XPO1: variants seen among roughly 807,000 people sequenced by gnomAD.
XPO1 encodes exportin-1.
In XPO1, 5 loss-of-function variants were observed where a neutral mutation model predicts 133.3. The ratio of observed to expected loss-of-function variants is 0.04; its 90% confidence interval spans 0.02 to 0.08. The LOEUF is 0.08. Ranked by LOEUF, XPO1 falls within the 10% of genes least tolerant of loss-of-function variation. XPO1 has a pLI of 1.00. For missense variants in XPO1, 506 were observed against 1,267.5 expected (o/e 0.40, Z 9.12); for synonymous variants, 419 against 408.2 (o/e 1.03, Z -0.32).
At chr2:61,527,809 T>A (rs1394519967) in intron 2 of XPO1, among the ~76,000 whole-genome samples, 2 of 152,164 alleles carry the variant, frequency 1.3e-5, no homozygotes, top group Non-Finnish European at 2.9e-5. Context: ...AATACTAATC[T>A]ACGTAGTCAT....
intron 3 of XPO1, 141 bp downstream of exon 3, chr2:61,526,279 C>A: frequency 6.9e-7 from 1 of 1,457,116 alleles, no homozygotes; most frequent in South Asian, 1.4e-5. Context: ...TAATTATATG[C>A]TTAAGACTAA....
Position 61,488,745 on chromosome 2 carries a change from T to G in XPO1, c.2049A>C (p.Glu683Asp). ...TKNVDILKDP[E>D]TVKQLGSILK... is the part of the protein sequence containing the mutation. ...AAATGCTACCAAGCTGCTTGACTGT[T>G]TCAGGATCTTTCAGTATATCCACAT... is the stretch of plus-strand genomic sequence containing the variant. The change falls in exon 18 of 25, where the codon GAA (glutamate) becomes GAC (aspartate). Residue 683 changes from glutamate to aspartate, a missense_variant. Physicochemically the swap from Glu to Asp is conservative, Grantham distance 45. Transcript: ENST00000401558. 3 of 1,613,636 alleles carry G rather than the reference T, an allele frequency of 1.9e-6. No individual in the cohort carries two copies. Among genetic ancestry groups the G allele is most frequent in the Non-Finnish European group, 2.5e-6 (3 of 1,179,914 alleles).
intron 17 of XPO1, among the ~76,000 whole-genome samples, chr2:61,489,513 A>G (rs1696861043): frequency 6.6e-6 from 1 of 151,570 alleles, no homozygotes; most frequent in Non-Finnish European, 1.5e-5. Flanking sequence ...ACGAACACAA[A>G]CGCCTTTTTG....
chr2:61,525,648 G>A (rs1698879478), intron 3 of XPO1: 2 of 1,022,964 alleles, frequency 2.0e-6, no homozygotes, highest in South Asian at 4.6e-5. Context: ...ACACTGTTAT[G>A]TTACTTAAGG....
At chr2:61,527,811 C>T (rs1464736558) in intron 2 of XPO1, among the ~76,000 whole-genome samples, 3 of 152,032 alleles carry the variant, frequency 2.0e-5, no homozygotes, top group Non-Finnish European at 2.9e-5. Context: ...TACTAATCTA[C>T]GTAGTCATCA....
rs547161076 is a variant in XPO1, at chr2:61,523,323, T to C, written c.229-640A>G. 1.2e-3 allele frequency among the ~76,000 whole-genome samples: 189 copies of C among 152,352 alleles called. 1 individual carries two copies. Among genetic ancestry groups the C allele is most frequent in the African/African-American group, 4.3e-3 (179 of 41,596 alleles). On this transcript the variant is annotated intron_variant, in intron 3 of 24. Coordinates refer to ENST00000401558, the MANE Select transcript of XPO1 (RefSeq NM_003400.4). Reference sequence around the variant, plus strand: ...ATAATCACAAACGCATGTTGCAATCTGTATCTACCTTTCAGGTATTTCTTC... The same window carrying C: ...ATAATCACAAACGCATGTTGCAATCCGTATCTACCTTTCAGGTATTTCTTC...
Position 61,522,459 on chromosome 2 carries a change from A to G in XPO1, c.301+152T>C. On this transcript the variant is annotated intron_variant, in intron 4 of 24. Transcript: ENST00000401558. ...AAGTGGCCTTCCTGTACCCACCAATACAAACAGACCTGTTTGCTTCATGAT... is the reference window on the plus strand; with the variant it reads ...AAGTGGCCTTCCTGTACCCACCAATGCAAACAGACCTGTTTGCTTCATGAT... The G allele has an allele frequency of 7.6e-6, 5 of 659,828 alleles. No homozygotes were observed. In the Admixed American group the frequency reaches 1.1e-4, roughly 14 times the overall value. The allele number at this position is 659,828 out of a possible 1,614,324, so 40.9% of individuals were successfully genotyped here. A position where few individuals can be genotyped will look rare whatever the true frequency, so the allele number is the denominator to read the frequency against.
At chr2:61,479,461 AAAC>A (rs1573092383) in intron 24 of XPO1, among the ~76,000 whole-genome samples, 1 of 151,768 alleles carries the variant, frequency 6.6e-6, no homozygotes. Context: ...CCCCCAAAAA[AAAC>A]AAAAAAAATG....
intron 4 of XPO1, among the ~76,000 whole-genome samples, chr2:61,514,147 A>G (rs1228927223): frequency 6.6e-6 from 1 of 151,474 alleles, no homozygotes; most frequent in African/African-American, 2.4e-5. Flanking sequence ...AGATTGTGCC[A>G]CCACACTCCA....
intron 5 of XPO1, 36 bp from the exon 6 acceptor site, chr2:61,502,076 G>GT (rs777954054): frequency 5.7e-6 from 9 of 1,571,466 alleles, no homozygotes; most frequent in Non-Finnish European, 7.8e-6. Flanking sequence ...AGAGCCTGAG[G>GT]TAAGTATAAA....
At chr2:61,509,967 A>G (rs1022386063) in intron 4 of XPO1, among the ~76,000 whole-genome samples, 1 of 152,210 alleles carries the variant, frequency 6.6e-6, no homozygotes, top group African/African-American at 2.4e-5. Flanking sequence ...AATGTTTATT[A>G]CAAGTATCAG....
At position 61,533,921 on chromosome 2, in the gene XPO1, A is replaced by G; in HGVS notation, c.-6-18T>C. The G allele has an allele frequency of 6.6e-7, 1 of 1,510,444 alleles. No individual in the cohort carries two copies. The highest frequency in any genetic ancestry group is 8.8e-7 in the Non-Finnish European group (1 of 1,130,072). The allele number at this position is 1,510,444 out of a possible 1,614,324, so 93.6% of individuals were successfully genotyped here. ...ATAGATTACTGAAAATAAAGAAAAA[A>G]AATTGAAGCTGCCTATCAAGTTTTG... On this transcript the variant is annotated intron_variant, in intron 1 of 24. Transcript: ENST00000401558.
In XPO1 at chr2:61,507,968, A is replaced by G. The variant is rs569653528; in HGVS notation, c.302-5658T>C. Among the ~76,000 whole-genome samples, 56 of 152,278 alleles carry G rather than the reference A, an allele frequency of 3.7e-4. 1 individual carries two copies. The East Asian group carries it at 0.011, about 29-fold the overall frequency. ...TCTTTGATAAGTCCTGACGTTGCCA[A>G]CAGGATCTTCAATGGATTCAGATAC... On this transcript the variant is annotated intron_variant, in intron 4 of 24. Transcript: ENST00000401558.
chr2:61,506,560 C>CT (rs1289485945), intron 4 of XPO1, among the ~76,000 whole-genome samples: 2 of 136,494 alleles, frequency 1.5e-5, no homozygotes, highest in African/African-American at 2.8e-5. Context: ...GATCGTGCCA[C>CT]TGCACTCCAG....
At chr2:61,530,404 AAAGC>A (rs1355460162) in intron 2 of XPO1, among the ~76,000 whole-genome samples, 4 of 152,326 alleles carry the variant, frequency 2.6e-5, no homozygotes, top group Non-Finnish European at 4.4e-5. Flanking sequence ...AAAAGACACA[AAAGC>A]AAACTAAAGA....
rs1489612420 is a variant in XPO1 at position 61,498,826 on chromosome 2, C to G, written c.640-34G>C. The G allele has an allele frequency of 2.5e-6, 4 of 1,608,394 alleles. No homozygotes were observed. In the East Asian group the frequency reaches 6.7e-5, roughly 27 times the overall value. On this transcript the variant is annotated intron_variant, in intron 8 of 24. Coordinates refer to ENST00000401558, the MANE Select transcript of XPO1 (RefSeq NM_003400.4). ...AAACACACTTGTAAATAATTGCTTT[C>G]CTATTATTGTTTTTAAAAATGAAAT...
At chr2:61,525,586 G>A (rs1698877373) in intron 3 of XPO1, 7 of 1,016,704 alleles carry the variant, frequency 6.9e-6, no homozygotes, top group Non-Finnish European at 8.3e-6. Flanking sequence ...TTAAACATTA[G>A]TAATGTCTGT....
At chr2:61,482,032 G>GC (rs66667062) in intron 23 of XPO1, among the ~76,000 whole-genome samples, 1 of 22,970 alleles carries the variant, frequency 4.4e-5, no homozygotes, top group East Asian at 1.3e-3. Flanking sequence ...ACCGTGCGTG[G>GC]CCTTTTTTTT....
chr2:61,497,107 T>C (rs1697276324), intron 9 of XPO1, 100 bp from the exon 10 acceptor site: 7 of 1,428,202 alleles, frequency 4.9e-6, no homozygotes, highest in South Asian at 1.5e-5. Flanking sequence ...CAATTAAATA[T>C]AGGGGTAGAT....
Sources: gnomAD v4.1 joint callset for allele counts (sites outside exome capture counted in the v4.1 genomes callset) on GRCh38, gnomAD v4.1.1 for gene constraint, MANE v1.5 for transcripts, NCBI Gene and HGNC (gene_info 2026-07-23, HGNC 2026-07-21) for gene names.